Variants in ZFYVE28 observed in about 807,000 individuals in gnomAD.
ZFYVE28 encodes lateral signaling target protein 2 homolog.
A neutral mutation model predicts 82.1 loss-of-function variants in ZFYVE28; 40 were observed. That is an observed-to-expected ratio of 0.49 (90% CI 0.38 to 0.63). ZFYVE28 has a LOEUF of 0.63. Ranked by LOEUF, ZFYVE28 falls within the 30% of genes least tolerant of loss-of-function variation. The pLI, the probability that ZFYVE28 is intolerant of heterozygous loss-of-function variation, is 0.00. For synonymous variants in ZFYVE28, 612 were observed against 546.1 expected (o/e 1.12, Z -1.68); for missense variants, 1,321 against 1,242.1 (o/e 1.06, Z -0.96).
chr4:2,408,470 G>A lies in ZFYVE28; in HGVS notation c.39+9815C>T, dbSNP rs560252669. Among the ~76,000 whole-genome samples, 40 of 152,294 alleles carry A rather than the reference G, an allele frequency of 2.6e-4. No homozygotes were observed. The highest frequency in any genetic ancestry group is 2.5e-3 in the South Asian group (12 of 4,828). ...CTCCACTGCCCTGAGACTCAGCATC[G>A]GGGAGAAAGCCTGGAGGGGGCCTGC... On this transcript the variant is annotated intron_variant, in intron 1 of 12. Transcript: ENST00000290974. This position sits in a 1 kb window ranked among gnomAD's most constrained non-coding sequence, Gnocchi z 4.3.
chr4:2,291,953 G>A (rs1354177723), intron 8 of ZFYVE28, among the ~76,000 whole-genome samples: 8 of 152,178 alleles, frequency 5.3e-5, no homozygotes, highest in African/African-American at 1.9e-4. Flanking sequence ...AGGGATGTGA[G>A]TGTCTCAATG....
chr4:2,284,054 AAG>A (rs980771292), intron 8 of ZFYVE28, among the ~76,000 whole-genome samples: 5 of 152,134 alleles, frequency 3.3e-5, no homozygotes, highest in Admixed American at 2.6e-4. Context: ...TTGAGGGAAA[AAG>A]AGTTTGAGGA....
intron 1 of ZFYVE28, chr4:2,364,547 G>A (rs960085827): frequency 1.0e-6 from 1 of 985,446 alleles, no homozygotes; most frequent in African/African-American, 1.7e-5. Flanking sequence ...CAGGAGCCAC[G>A]TGGGAAGGGA....
Position 2,372,281 on chromosome 4 carries a change from G to C in ZFYVE28, c.40-18208C>G, listed in dbSNP as rs1169118417. On this transcript the variant is annotated intron_variant, in intron 1 of 12. Coordinates refer to ENST00000290974, the MANE Select transcript of ZFYVE28 (RefSeq NM_020972.3). This position sits in a 1 kb window ranked among gnomAD's most constrained non-coding sequence, Gnocchi z 5.2. ...GGTTCCGAGAAGGACTCGTGAGGGG[G>C]TAGGAATGGTCCCACCACCCTCACA... is the stretch of plus-strand genomic sequence containing the variant. Among the ~76,000 whole-genome samples the C allele has an allele frequency of 6.6e-6, 1 of 152,142 alleles. No homozygotes were observed. The highest frequency in any genetic ancestry group is 1.5e-5 in the Non-Finnish European group (1 of 68,004).
At chr4:2,353,583 G>A (rs1486610607) in intron 2 of ZFYVE28, among the ~76,000 whole-genome samples, 1 of 152,134 alleles carries the variant, frequency 6.6e-6, no homozygotes, top group Non-Finnish European at 1.5e-5. Context: ...GTGGCAGAGT[G>A]TGACCACTGC....
At position 2,296,740 on chromosome 4, in the gene ZFYVE28, T is replaced by A. The variant is rs572785719; in HGVS notation, c.2051+7549A>T. ...GGGAGGCCCGCGGGGCGGCACCTGC[T>A]GCTCAAGGTCACAGGCACTGGAGCA... On this transcript the variant is annotated intron_variant, in intron 8 of 12. Transcript: ENST00000290974. Among the ~76,000 whole-genome samples, 291 of 152,288 alleles carry A rather than the reference T, an allele frequency of 1.9e-3. 2 individuals are homozygous for A. The highest frequency in any genetic ancestry group is 3.4e-3 in the Middle Eastern group (1 of 294).
chr4:2,293,101 A>T (rs1256759032), intron 8 of ZFYVE28, among the ~76,000 whole-genome samples: 2 of 28,010 alleles, frequency 7.1e-5, no homozygotes, highest in Non-Finnish European at 1.8e-4. Context: ...TTCTTGATTA[A>T]AAAAAAAAAA....
intron 8 of ZFYVE28, among the ~76,000 whole-genome samples, chr4:2,293,242 C>T (rs1046264486): frequency 3.2e-4 from 49 of 152,152 alleles, no homozygotes; most frequent in African/African-American, 1.1e-3. Context: ...AAGGCAGAAT[C>T]ATCCTGTTTC....
intron 6 of ZFYVE28, among the ~76,000 whole-genome samples, chr4:2,322,381 C>A (rs1011039492): frequency 3.3e-5 from 5 of 152,172 alleles, no homozygotes; most frequent in Non-Finnish European, 7.3e-5. Flanking sequence ...CGACAGGCCA[C>A]CCAGGCCTGC....
intron 1 of ZFYVE28, among the ~76,000 whole-genome samples, chr4:2,397,503 A>G (rs192341002): frequency 2.3e-4 from 34 of 150,080 alleles, no homozygotes; most frequent in African/African-American, 7.8e-4. Context: ...ATTTATTCAC[A>G]TTGCTGTGCA....
chr4:2,373,561 C>T (rs1727796970), intron 1 of ZFYVE28, among the ~76,000 whole-genome samples: 1 of 152,162 alleles, frequency 6.6e-6, no homozygotes. Flanking sequence ...AACAGTGTTT[C>T]CTGGAGCTGA....
chr4:2,275,313 G>A (rs990448610), intron 8 of ZFYVE28, among the ~76,000 whole-genome samples: 2 of 152,140 alleles, frequency 1.3e-5, no homozygotes, highest in Non-Finnish European at 2.9e-5. Flanking sequence ...GGTTCACCTC[G>A]CCCAACTCTA....
intron 1 of ZFYVE28, among the ~76,000 whole-genome samples, chr4:2,407,179 G>A (rs562876692): frequency 2.6e-5 from 4 of 152,104 alleles, no homozygotes; most frequent in Non-Finnish European, 5.9e-5. Context: ...TCCTCTTGGA[G>A]TACATTTTCC....
chr4:2,304,066 G>A (rs931903738), intron 8 of ZFYVE28, among the ~76,000 whole-genome samples: 7 of 152,218 alleles, frequency 4.6e-5, no homozygotes, highest in Admixed American at 6.5e-5. Context: ...GCCCGCTGGC[G>A]CACATTTTCT....
intron 1 of ZFYVE28, among the ~76,000 whole-genome samples, chr4:2,369,345 G>A (rs1727244130): frequency 6.6e-6 from 1 of 152,200 alleles, no homozygotes; most frequent in Admixed American, 6.5e-5. Context: ...TGTGGACTGG[G>A]CAATGTGGCA....
chr4:2,285,774 G>C (rs1489654814), intron 8 of ZFYVE28: 1 of 152,426 alleles, frequency 6.6e-6, no homozygotes, highest in African/African-American at 2.4e-5. Flanking sequence ...AGGAGGGCAG[G>C]CGCCCATCCC....
chr4:2,407,067 G>A (rs374058470), intron 1 of ZFYVE28, among the ~76,000 whole-genome samples: 2 of 152,108 alleles, frequency 1.3e-5, no homozygotes, highest in East Asian at 1.9e-4. Context: ...GGATGCTCAC[G>A]CTCCCCAAGG....
At chr4:2,398,219 T>C (rs3128790) in intron 1 of ZFYVE28, among the ~76,000 whole-genome samples, 134,102 of 151,964 alleles carry the variant, frequency 0.88, 59,514 homozygotes, top group African/African-American at 0.97. Flanking sequence ...GGAAGGCCAG[T>C]GCCCGTGCCA....
At chr4:2,337,607 C>CG (rs891249004) in intron 4 of ZFYVE28, 111 bp from the exon 5 acceptor site, 4 of 696,932 alleles carry the variant, frequency 5.7e-6, no homozygotes, top group South Asian at 2.6e-5. Flanking sequence ...AAGGTGGGGG[C>CG]GGGGGGCCTC....
Sources: allele counts gnomAD v4.1 joint callset (sites outside exome capture counted in the v4.1 genomes callset), GRCh38; gene constraint gnomAD v4.1.1; non-coding constraint Gnocchi (gnomAD v3.1); transcripts MANE v1.5; gene names NCBI Gene and HGNC (gene_info 2026-07-23, HGNC 2026-07-21).